Variants in OR52J3 observed in about 807,000 individuals in gnomAD.
OR52J3 encodes the protein olfactory receptor 52J3.
For synonymous variants in OR52J3, 159 were observed against 142.9 expected, an observed-to-expected ratio of 1.11 and a Z score of -0.80; for missense variants, 450 against 392.3, an observed-to-expected ratio of 1.15 and a Z score of -1.24.
chr11:5,047,030 C>T lies in OR52J3; in HGVS notation c.505C>T (p.Pro169Ser), dbSNP rs752546536. The part of the protein sequence containing the change: ...LPMVYLIYRL[P>S]FCQAHIIAHS... ...CATGGTCTATCTTATCTACCGCCTA[C>T]CCTTTTGTCAGGCTCACATAATAGC... The change falls in exon 1 of 1, where the codon CCC becomes TCC. Residue 169 changes from proline (P) to serine (S), a missense_variant. Pro to Ser is a moderately conservative substitution (Grantham distance 74). Transcript: ENST00000380370. 5.6e-6 allele frequency: 9 copies of T among 1,613,776 alleles called. No homozygotes were observed. The highest frequency in any genetic ancestry group is 1.1e-5 in the South Asian group (1 of 91,054).
rs1331173258 is a variant in OR52J3 at position 5,047,334 on chromosome 11, C to T, written c.809C>T (p.Pro270Leu). The T allele has an allele frequency of 1.9e-6, 3 of 1,612,732 alleles. No homozygotes were observed. The highest frequency in any genetic ancestry group is 2.5e-6 in the Non-Finnish European group (3 of 1,179,592). ...ACTCATCGATTTGGACACCAAATACCAGGTTACATTCACATTCTTGTTGCC... is the reference window on the plus strand; with the variant it reads ...ACTCATCGATTTGGACACCAAATACTAGGTTACATTCACATTCTTGTTGCC... Reference protein sequence around the residue: ...FLTHRFGHQIPGYIHILVANL... With the variant: ...FLTHRFGHQILGYIHILVANL... The change falls in exon 1 of 1, where the codon CCA becomes CTA. Residue 270 changes from proline (P) to leucine (L), a missense_variant. Coordinates refer to ENST00000380370, the MANE Select transcript of OR52J3 (RefSeq NM_001001916.2).
rs1030222459 is a variant in OR52J3 at position 5,046,944 on chromosome 11, C to G, written c.419C>G (p.Ser140Cys). Residue 140 changes from serine to cysteine, a missense_variant, in exon 1 of 1, where the codon TCC becomes TGC. Physicochemically the swap from Ser to Cys is moderately radical, Grantham distance 112 (BLOSUM62 -1). Transcript: ENST00000380370. ...APLHYATILT[S>C]QVLVGISMCI... Reference sequence around the variant, plus strand: ...CTACATTACGCAACCATCTTGACATCCCAAGTGTTGGTGGGCATTAGCATG... The same window carrying G: ...CTACATTACGCAACCATCTTGACATGCCAAGTGTTGGTGGGCATTAGCATG... 1.2e-6 allele frequency: 2 copies of G among 1,613,758 alleles called. No homozygotes were observed. The highest frequency in any genetic ancestry group is 2.7e-5 in the African/African-American group (2 of 74,940).
chr11:5,046,601 C>T lies in OR52J3; in HGVS notation c.76C>T (p.His26Tyr), dbSNP rs768199084. The change falls in exon 1 of 1, where the codon CAC (histidine) becomes TAC (tyrosine). Residue 26 changes from histidine (H) to tyrosine (Y), a missense_variant. Coordinates refer to ENST00000380370, the MANE Select transcript of OR52J3 (RefSeq NM_001001916.2). ...LIGIPGLEDF[H>Y]MWISGPFCSV... ...TGGAATCCCAGGTCTGGAAGACTTC[C>T]ACATGTGGATCTCCGGGCCTTTCTG... 3.1e-6 allele frequency: 5 copies of T among 1,613,808 alleles called. No individual in the cohort carries two copies. The highest frequency in any genetic ancestry group is 4.2e-6 in the Non-Finnish European group (5 of 1,179,926).
rs1251116992 is a variant in OR52J3, at chr11:5,046,889, T to C, written c.364T>C (p.Phe122Leu). 7 of 1,613,766 alleles carry C rather than the reference T, an allele frequency of 4.3e-6. No homozygotes were observed. The highest frequency in any genetic ancestry group is 5.1e-6 in the Non-Finnish European group (6 of 1,179,956). Residue 122 changes from phenylalanine (F) to leucine (L), a missense_variant, in exon 1 of 1, where the codon TTT becomes CTT. By Grantham distance (22) the Phe-to-Leu change is conservative (BLOSUM62 0). Transcript: ENST00000380370. ...MEAEVLLAMA[F>L]DRYVAVCAPL... ...GGCTGAGGTCTTACTGGCTATGGCT[T>C]TTGACCGTTATGTGGCCGTCTGTGC... is the stretch of plus-strand genomic sequence containing the variant.
chr11:5,047,438 C>CTTTTTTTTTTTTTTTT lies in OR52J3; in HGVS notation c.914_915insTTTTTTTTTTTTTTTT (p.Tyr306PhefsTer10), dbSNP rs1847567208. On this transcript the variant is annotated frameshift_variant, in exon 1 of 1. Transcript: ENST00000380370. LOFTEE classifies it low-confidence loss of function (END_TRUNC). ...GACCAAACAGATTCGAGAACGAGTG[C>CTTTTTTTTTTTTTTTT]TCTATGTTTTTACTAAAAAATAAGA... is the stretch of plus-strand genomic sequence containing the variant. 1 of 1,592,978 alleles carries CTTTTTTTTTTTTTTTT rather than the reference C, an allele frequency of 6.3e-7. No individual in the cohort carries two copies. Among genetic ancestry groups the CTTTTTTTTTTTTTTTT allele is most frequent in the Admixed American group, 1.7e-5 (1 of 57,486 alleles).
rs541634574 is a variant in OR52J3, at chr11:5,046,697, C to A, written c.172C>A (p.Arg58=). Residue 58 remains arginine (R), a synonymous_variant, in exon 1 of 1, where the codon CGG becomes AGG. Transcript: ENST00000380370. ...LLVIKVEQTL[R]EPMFYFLAIL... ...AGTCATCAAGGTAGAACAGACTCTC[C>A]GGGAGCCCATGTTCTACTTCCTGGC... The A allele has an allele frequency of 6.2e-7, 1 of 1,613,952 alleles. No individual in the cohort carries two copies. The highest frequency in any genetic ancestry group is 8.5e-7 in the Non-Finnish European group (1 of 1,179,948).
In OR52J3 at chr11:5,047,343, T is replaced by C. The variant is rs569321840; in HGVS notation, c.818T>C (p.Ile273Thr). 2.5e-6 allele frequency: 4 copies of C among 1,613,300 alleles called. No individual in the cohort carries two copies. The highest frequency in any genetic ancestry group is 3.3e-5 in the Admixed American group (2 of 59,902). ...TTTGGACACCAAATACCAGGTTACA[T>C]TCACATTCTTGTTGCCAATCTCTAT... is the stretch of plus-strand genomic sequence containing the variant. ...HRFGHQIPGY[I>T]HILVANLYLI... The change falls in exon 1 of 1, where the codon ATT becomes ACT. Residue 273 changes from isoleucine (I) to threonine (T), a missense_variant. By Grantham distance (89) the Ile-to-Thr change is moderately conservative. Transcript: ENST00000380370.
chr11:5,047,071 G>C lies in OR52J3; in HGVS notation c.546G>C (p.Glu182Asp). The C allele has an allele frequency of 1.2e-6, 2 of 1,613,466 alleles. No individual in the cohort carries two copies. The highest frequency in any genetic ancestry group is 1.7e-6 in the Non-Finnish European group (2 of 1,179,908). ...ACATAATAGCCCATTCCTACTGTGA[G>C]CACATGGGCATTGCAAAATTGTCCT... is the stretch of plus-strand genomic sequence containing the variant. ...QAHIIAHSYC[E>D]HMGIAKLSCG... Residue 182 changes from glutamate to aspartate, a missense_variant, in exon 1 of 1, where the codon GAG becomes GAC. Physicochemically the swap from Glu to Asp is conservative, Grantham distance 45. Transcript: ENST00000380370.
chr11:5,046,534 T>A lies in OR52J3; in HGVS notation c.9T>A (p.Tyr3Ter). The change falls in exon 1 of 1, where the codon TAT (tyrosine) becomes TAA (stop). Residue 3 changes from tyrosine to a stop codon, truncating the protein, a stop_gained. Coordinates refer to ENST00000380370, the MANE Select transcript of OR52J3 (RefSeq NM_001001916.2). LOFTEE classifies it low-confidence loss of function (END_TRUNC). MF[Y>*]HNKSIFHPVT... is the part of the protein sequence containing the mutation. ...CACTGTGATTTGGAAAAATGTTTTATCACAACAAGAGCATATTTCACCCAG... is the reference window on the plus strand; with the variant it reads ...CACTGTGATTTGGAAAAATGTTTTAACACAACAAGAGCATATTTCACCCAG... 1 of 1,611,826 alleles carries A rather than the reference T, an allele frequency of 6.2e-7. No individual in the cohort carries two copies. The highest frequency in any genetic ancestry group is 8.5e-7 in the Non-Finnish European group (1 of 1,178,846).
In OR52J3 at chr11:5,046,915, T is replaced by G; in HGVS notation, c.390T>G (p.Ala130=). 1.2e-6 allele frequency: 2 copies of G among 1,613,788 alleles called. No individual in the cohort carries two copies. Among genetic ancestry groups the G allele is most frequent in the South Asian group, 1.1e-5 (1 of 91,072 alleles). The change falls in exon 1 of 1, where the codon GCT becomes GCG. Residue 130 remains alanine (A), a synonymous_variant. Coordinates refer to ENST00000380370, the MANE Select transcript of OR52J3 (RefSeq NM_001001916.2). ...MAFDRYVAVC[A]PLHYATILTS... Reference sequence around the variant, plus strand: ...TTGACCGTTATGTGGCCGTCTGTGCTCCACTACATTACGCAACCATCTTGA... The same window carrying G: ...TTGACCGTTATGTGGCCGTCTGTGCGCCACTACATTACGCAACCATCTTGA...
Position 5,046,681 on chromosome 11 carries a change from G to T in OR52J3, c.156G>T (p.Lys52Asn). 6.2e-7 allele frequency: 1 copy of T among 1,613,988 alleles called. No individual in the cohort carries two copies. The highest frequency in any genetic ancestry group is 8.5e-7 in the Non-Finnish European group (1 of 1,179,956). The part of the protein sequence containing the change: ...LGNATILLVI[K>N]VEQTLREPMF... ...ATGCCACCATTCTGCTAGTCATCAA[G>T]GTAGAACAGACTCTCCGGGAGCCCA... Residue 52 changes from lysine (K) to asparagine (N), a missense_variant, in exon 1 of 1, where the codon AAG becomes AAT. Transcript: ENST00000380370.
rs1847556982 is a variant in OR52J3 at position 5,046,871 on chromosome 11, G to T, written c.346G>T (p.Val116Phe). 19 of 1,613,790 alleles carry T rather than the reference G, an allele frequency of 1.2e-5. No homozygotes were observed. The highest frequency in any genetic ancestry group is 1.6e-5 in the Non-Finnish European group (19 of 1,179,974). The change falls in exon 1 of 1, where the codon GTC becomes TTC. Residue 116 changes from valine to phenylalanine, a missense_variant. Transcript: ENST00000380370. ...IHAFTGMEAE[V>F]LLAMAFDRYV... ...TGCCTTCACTGGCATGGAGGCTGAGGTCTTACTGGCTATGGCTTTTGACCG... is the reference window on the plus strand; with the variant it reads ...TGCCTTCACTGGCATGGAGGCTGAGTTCTTACTGGCTATGGCTTTTGACCG...
In OR52J3 at chr11:5,047,446, T is replaced by A; in HGVS notation, c.921T>A (p.Val307=). The change falls in exon 1 of 1, where the codon GTT becomes GTA. Residue 307 remains valine (V), a synonymous_variant. Coordinates refer to ENST00000380370, the MANE Select transcript of OR52J3 (RefSeq NM_001001916.2). ...AGATTCGAGAACGAGTGCTCTATGT[T>A]TTTACTAAAAAATAAGACTCTTACC... ...TKQIRERVLY[V]FTKK is the part of the protein sequence containing the mutation. 1 of 1,586,588 alleles carries A rather than the reference T, an allele frequency of 6.3e-7. No homozygotes were observed. Among genetic ancestry groups the A allele is most frequent in the Non-Finnish European group, 8.5e-7 (1 of 1,172,364 alleles).
In OR52J3 at chr11:5,047,150, G is replaced by A. The variant is rs767217265; in HGVS notation, c.625G>A (p.Val209Ile). The A allele has an allele frequency of 6.2e-7, 1 of 1,611,246 alleles. No homozygotes were observed. The highest frequency in any genetic ancestry group is 8.5e-7 in the Non-Finnish European group (1 of 1,179,446). The change falls in exon 1 of 1, where the codon GTT (valine) becomes ATT (isoleucine). Residue 209 changes from valine to isoleucine, a missense_variant. Coordinates refer to ENST00000380370, the MANE Select transcript of OR52J3 (RefSeq NM_001001916.2). ...TGGGCTTTTTGTAGTTTCTTTCTTT[G>A]TTCTGAACCTGGTGCTCATTGGCAT... ...IYGLFVVSFF[V>I]LNLVLIGISY...
In OR52J3 at chr11:5,047,108, C is replaced by T. The variant is rs372164802; in HGVS notation, c.583C>T (p.Arg195Cys). Residue 195 changes from arginine (R) to cysteine (C), a missense_variant, in exon 1 of 1, where the codon CGT becomes TGT. Transcript: ENST00000380370. ...GIAKLSCGNIRINGIYGLFVV... is the reference protein window; with the variant it reads ...GIAKLSCGNICINGIYGLFVV... ...TGCAAAATTGTCCTGTGGAAACATT[C>T]GTATCAATGGTATCTATGGGCTTTT... The T allele has an allele frequency of 1.9e-6, 3 of 1,613,004 alleles. No homozygotes were observed. Among genetic ancestry groups the T allele is most frequent in the African/African-American group, 1.3e-5 (1 of 74,616 alleles).
In OR52J3 at chr11:5,046,936, C is replaced by G; in HGVS notation, c.411C>G (p.Ile137Met). Residue 137 changes from isoleucine to methionine, a missense_variant, in exon 1 of 1, where the codon ATC (isoleucine) becomes ATG (methionine). Transcript: ENST00000380370. ...AVCAPLHYAT[I>M]LTSQVLVGIS... ...GTGCTCCACTACATTACGCAACCAT[C>G]TTGACATCCCAAGTGTTGGTGGGCA... 6.2e-7 allele frequency: 1 copy of G among 1,613,836 alleles called. No individual in the cohort carries two copies. The highest frequency in any genetic ancestry group is 8.5e-7 in the Non-Finnish European group (1 of 1,179,956).
At position 5,046,773 on chromosome 11, in the gene OR52J3, T is replaced by C. The variant is rs755674267; in HGVS notation, c.248T>C (p.Met83Thr). The C allele has an allele frequency of 1.9e-6, 3 of 1,613,990 alleles. No individual in the cohort carries two copies. The highest frequency in any genetic ancestry group is 3.3e-5 in the Admixed American group (2 of 59,982). Residue 83 changes from methionine to threonine, a missense_variant, in exon 1 of 1, where the codon ATG (methionine) becomes ACG (threonine). Coordinates refer to ENST00000380370, the MANE Select transcript of OR52J3 (RefSeq NM_001001916.2). ...CTTTCTACAACCTCTGTGCCTCGCA[T>C]GCTGGGTATCTTCTGGTTTGATGCT... is the stretch of plus-strand genomic sequence containing the variant. ...LALSTTSVPR[M>T]LGIFWFDAHE... is the part of the protein sequence containing the mutation.
Position 5,046,559 on chromosome 11 carries a change from G to A in OR52J3, c.34G>A (p.Val12Ile), listed in dbSNP as rs1256220641. The change falls in exon 1 of 1, where the codon GTC becomes ATC. Residue 12 changes from valine (V) to isoleucine (I), a missense_variant. Val to Ile is a conservative substitution (Grantham distance 29, BLOSUM62 3). Transcript: ENST00000380370. ...TCACAACAAGAGCATATTTCACCCA[G>A]TCACATTTTTCCTCATTGGAATCCC... ...FYHNKSIFHPVTFFLIGIPGL... is the reference protein window; with the variant it reads ...FYHNKSIFHPITFFLIGIPGL... 6.2e-7 allele frequency: 1 copy of A among 1,613,810 alleles called. No individual in the cohort carries two copies. The highest frequency in any genetic ancestry group is 1.3e-5 in the African/African-American group (1 of 74,972).
In OR52J3 at chr11:5,047,024, C is replaced by A. The variant is rs200293164; in HGVS notation, c.499C>A (p.Arg167Ser). Residue 167 changes from arginine to serine, a missense_variant, in exon 1 of 1, where the codon CGC becomes AGC. Transcript: ENST00000380370. ...LTLPMVYLIY[R>S]LPFCQAHIIA... ...ACTTCCCATGGTCTATCTTATCTAC[C>A]GCCTACCCTTTTGTCAGGCTCACAT... 1 of 1,613,800 alleles carries A rather than the reference C, an allele frequency of 6.2e-7. No homozygotes were observed. Among genetic ancestry groups the A allele is most frequent in the East Asian group, 2.2e-5 (1 of 44,852 alleles).
Sources: gnomAD v4.1 joint callset for allele counts on GRCh38, gnomAD v4.1.1 for gene constraint, MANE v1.5 for transcripts, NCBI Gene and HGNC (gene_info 2026-07-23, HGNC 2026-07-21) for gene names.